Variants in PHACTR4 observed in about 807,000 individuals in gnomAD.
PHACTR4 encodes the protein protein phosphatase 1, regulatory subunit 124.
A neutral mutation model predicts 72.7 loss-of-function variants in PHACTR4; 51 were observed. The ratio of observed to expected loss-of-function variants is 0.70; its 90% CI spans 0.56 to 0.89. The LOEUF is 0.89. Ranked by LOEUF, PHACTR4 falls within the 40% of genes least tolerant of loss-of-function variation. The pLI is 0.00. For missense variants in PHACTR4, 731 were observed against 861.8 expected (o/e 0.85, Z 1.90); for synonymous variants, 255 against 302.5 (o/e 0.84, Z 1.63).
Position 28,473,762 on chromosome 1 carries a change from C to G in PHACTR4, c.1032C>G (p.Ser344=). The G allele has an allele frequency of 1.2e-6, 2 of 1,613,974 alleles. No homozygotes were observed. Among genetic ancestry groups the G allele is most frequent in the Non-Finnish European group, 1.7e-6 (2 of 1,179,980 alleles). ...CAATGATCTCACCTCGCTCTCCGTC[C>G]CCCCCACTGCCTACTCATATACCTC... The part of the protein sequence containing the change: ...LLPMISPRSP[S]PPLPTHIPPE... Residue 344 remains serine, a synonymous_variant, in exon 7 of 14, where the codon TCC becomes TCG. Coordinates refer to ENST00000373839, the MANE Select transcript of PHACTR4 (RefSeq NM_001048183.3).
intron 2 of PHACTR4, among the ~76,000 whole-genome samples, chr1:28,440,117 C>G (rs1430186519): frequency 6.6e-6 from 1 of 151,632 alleles, no homozygotes; most frequent in Non-Finnish European, 1.5e-5. Context: ...CTGGCTAACA[C>G]GGTGAAACCC....
At position 28,385,527 on chromosome 1, in the gene PHACTR4, A is replaced by G. The variant is rs142248426; in HGVS notation, c.-39+15702A>G. ...CACTGCACTCCAGCTTGGGCGACAG[A>G]GCAAGACTCTGTCTCAAAAAAAAAA... On this transcript the variant is annotated intron_variant, in intron 1 of 13. Coordinates refer to ENST00000373839, the MANE Select transcript of PHACTR4 (RefSeq NM_001048183.3). Among the ~76,000 whole-genome samples the G allele has an allele frequency of 4.8e-3, 666 of 137,782 alleles. 4 individuals are homozygous for G. The highest frequency in any genetic ancestry group is 0.018 in the African/African-American group (626 of 35,514). 90.4% of individuals were successfully genotyped at this position (137,782 alleles called of 152,430 possible).
chr1:28,390,359 C>T (rs1475847569), intron 1 of PHACTR4, among the ~76,000 whole-genome samples: 1 of 152,186 alleles, frequency 6.6e-6, no homozygotes, highest in Non-Finnish European at 1.5e-5. Flanking sequence ...AAATGTCAAA[C>T]TCAATCTTAC....
At chr1:28,392,652 C>T (rs1226073280) in intron 1 of PHACTR4, among the ~76,000 whole-genome samples, 2 of 151,912 alleles carry the variant, frequency 1.3e-5, no homozygotes, top group Non-Finnish European at 2.9e-5. Flanking sequence ...CTCAGCCTCC[C>T]AAAGTGCTGG....
intron 2 of PHACTR4, among the ~76,000 whole-genome samples, chr1:28,408,030 G>A (rs1337246814): frequency 6.6e-6 from 1 of 152,200 alleles, no homozygotes. Context: ...TGAAGCATGA[G>A]AAACGCTTGA....
chr1:28,435,751 C>T (rs890672504), intron 2 of PHACTR4, among the ~76,000 whole-genome samples: 1 of 152,118 alleles, frequency 6.6e-6, no homozygotes, highest in African/African-American at 2.4e-5. Flanking sequence ...ATGGTGATAA[C>T]GATGTTGTTA....
In PHACTR4 at chr1:28,457,918, G is replaced by T. The variant is rs545528999; in HGVS notation, c.17-1167G>T. On this transcript the variant is annotated intron_variant, in intron 2 of 13. Transcript: ENST00000373839. The stretch of plus-strand genomic sequence containing the variant: ...CTTTTTTTTGGTTGCCTTCCTGCTG[G>T]TTTTTTTTTTTTTCCTTTCTTTAAA... 346 of 764,958 alleles carry T rather than the reference G, an allele frequency of 4.5e-4. 2 individuals carry two copies. In the South Asian group the frequency reaches 0.015, roughly 34 times the overall value. 47.4% of individuals were successfully genotyped at this position (764,958 alleles called of 1,614,324 possible).
intron 3 of PHACTR4, 137 bp downstream of exon 3, chr1:28,459,395 CTTTTTTTTT>C: frequency 1.8e-5 from 5 of 280,798 alleles, no homozygotes; most frequent in Non-Finnish European, 3.2e-5. Context: ...TTTCCTTCTT[CTTTTTTTTT>C]TTTTTTTTTT....
chr1:28,467,403 G>A (rs1376596833), intron 6 of PHACTR4, among the ~76,000 whole-genome samples: 6 of 151,894 alleles, frequency 4.0e-5, no homozygotes, highest in Non-Finnish European at 1.5e-5. Flanking sequence ...GTGTGTGTGT[G>A]TGTGTGTGTG....
At chr1:28,454,730 AAC>A (rs1201924526) in intron 2 of PHACTR4, among the ~76,000 whole-genome samples, 1 of 152,198 alleles carries the variant, frequency 6.6e-6, no homozygotes, top group Non-Finnish European at 1.5e-5. Flanking sequence ...ACTTTCCAAT[AAC>A]ACATAATTGG....
At chr1:28,371,744 C>CCAG (rs948341083) in intron 1 of PHACTR4, among the ~76,000 whole-genome samples, 1 of 151,930 alleles carries the variant, frequency 6.6e-6, no homozygotes, top group African/African-American at 2.4e-5. Context: ...ACACAGGCCA[C>CCAG]CAGCGCAGCT....
At chr1:28,391,347 T>C (rs112729269) in intron 1 of PHACTR4, among the ~76,000 whole-genome samples, 3 of 148,616 alleles carry the variant, frequency 2.0e-5, no homozygotes, top group Admixed American at 6.7e-5. Flanking sequence ...TGCAGTGAGC[T>C]GAGATCAAGC....
chr1:28,468,588 A>G (rs1301084666), intron 6 of PHACTR4, among the ~76,000 whole-genome samples: 9 of 152,276 alleles, frequency 5.9e-5, no homozygotes, highest in South Asian at 2.1e-4. Context: ...GCAAAACTCC[A>G]TCTCAAAAAA....
chr1:28,477,745 T>C (rs1426899229), intron 8 of PHACTR4, among the ~76,000 whole-genome samples: 3 of 152,006 alleles, frequency 2.0e-5, no homozygotes, highest in African/African-American at 7.2e-5. Context: ...TAGAGTGCAG[T>C]GGCACAATCT....
intron 9 of PHACTR4, among the ~76,000 whole-genome samples, chr1:28,483,718 G>A (rs576695412): frequency 6.9e-6 from 1 of 145,328 alleles, no homozygotes; most frequent in African/African-American, 2.6e-5. Flanking sequence ...AGAATGGCAT[G>A]AACCTGGGAG....
intron 9 of PHACTR4, among the ~76,000 whole-genome samples, chr1:28,482,603 G>C (rs1034083453): frequency 9.2e-5 from 14 of 152,158 alleles, no homozygotes; most frequent in Admixed American, 7.9e-4. Flanking sequence ...AATTGATCAT[G>C]TCTACTAATT....
chr1:28,460,067 T>C (rs772292626), intron 3 of PHACTR4, 145 bp from the exon 4 acceptor site: 8 of 503,924 alleles, frequency 1.6e-5, no homozygotes, highest in Middle Eastern at 4.2e-4. Flanking sequence ...GAGTTTTAAT[T>C]TGAAGTTAGT....
At chr1:28,440,589 G>T (rs1242399083) in intron 2 of PHACTR4, among the ~76,000 whole-genome samples, 1 of 151,554 alleles carries the variant, frequency 6.6e-6, no homozygotes, top group African/African-American at 2.4e-5. Flanking sequence ...GGAAGAAATA[G>T]AAATCAGGAG....
At chr1:28,494,480 C>G (rs1240804866) in intron 13 of PHACTR4, among the ~76,000 whole-genome samples, 1 of 152,152 alleles carries the variant, frequency 6.6e-6, no homozygotes, top group Non-Finnish European at 1.5e-5. Flanking sequence ...ATGGTGAAAC[C>G]CTGTCTCTAC....
Sources: allele counts gnomAD v4.1 joint callset (sites outside exome capture counted in the v4.1 genomes callset), GRCh38; gene constraint gnomAD v4.1.1; transcripts MANE v1.5; gene names NCBI Gene and HGNC (gene_info 2026-07-23, HGNC 2026-07-21).